Variants in SLC37A3 observed in about 807,000 individuals in gnomAD.
The protein encoded by SLC37A3 is solute carrier family 37 member 3, also known as sugar phosphate exchanger 3.
A neutral mutation model predicts 67.1 loss-of-function variants in SLC37A3; 51 were observed. The observed-to-expected ratio is 0.76, with a 90% CI of 0.61 to 0.96. SLC37A3 has a LOEUF of 0.96. SLC37A3 is among the 40% of genes least tolerant of loss of function. SLC37A3 has a pLI of 0.00. For synonymous variants in SLC37A3, 214 were observed against 231.4 expected (o/e 0.92, Z 0.68); for missense variants, 508 against 603.0 (o/e 0.84, Z 1.65).
At chr7:140,379,549 A>G (rs1798166235) in intron 3 of SLC37A3, 1 of 152,074 alleles carries the variant, frequency 6.6e-6, no homozygotes, top group African/African-American at 2.4e-5. Context: ...GACAGTGTAC[A>G]AGAGTTTAGT....
At chr7:140,353,892 A>G (rs1563019329) in intron 7 of SLC37A3, among the ~76,000 whole-genome samples, 3 of 152,072 alleles carry the variant, frequency 2.0e-5, no homozygotes, top group Admixed American at 2.0e-4. Flanking sequence ...TTGTATTTTT[A>G]GTAGAGACAG....
chr7:140,348,489 G>GTTTT, intron 10 of SLC37A3, 137 bp downstream of exon 10: 1 of 655,342 alleles, frequency 1.5e-6, no homozygotes. Flanking sequence ...GAGTTTGGCT[G>GTTTT]TTTACTAGTA....
chr7:140,381,975 C>A (rs1383398263), intron 2 of SLC37A3, among the ~76,000 whole-genome samples: 1 of 137,882 alleles, frequency 7.3e-6, no homozygotes, highest in Non-Finnish European at 1.5e-5. Flanking sequence ...GGTCATGCCA[C>A]TGCACTCCAG....
intron 1 of SLC37A3, among the ~76,000 whole-genome samples, chr7:140,398,102 C>A (rs1320205805): frequency 6.6e-6 from 1 of 152,226 alleles, no homozygotes; most frequent in Non-Finnish European, 1.5e-5. Flanking sequence ...ATCTCCCAGA[C>A]CCACGGCCGG....
chr7:140,372,897 C>G lies in SLC37A3; in HGVS notation c.199-3215G>C, dbSNP rs74485855. Among the ~76,000 whole-genome samples the G allele has an allele frequency of 7.4e-3, 1,118 of 152,032 alleles. 9 individuals carry two copies. Among genetic ancestry groups the G allele is most frequent in the African/African-American group, 0.024 (992 of 41,496 alleles). The stretch of plus-strand genomic sequence containing the variant: ...AAAGCCAGTGTCACGTAAGACTGTC[C>G]TTCATGAAGCAGTAAAAATTTTTAA... On this transcript the variant is annotated intron_variant, in intron 3 of 14. Transcript: ENST00000326232.
intron 13 of SLC37A3, among the ~76,000 whole-genome samples, chr7:140,342,376 T>C (rs1388992568): frequency 1.3e-5 from 2 of 152,208 alleles, no homozygotes; most frequent in Non-Finnish European, 2.9e-5. Flanking sequence ...CTGACCTCTC[T>C]ACATCCATGA....
intron 3 of SLC37A3, among the ~76,000 whole-genome samples, chr7:140,375,776 T>C (rs1281398283): frequency 6.6e-6 from 1 of 152,226 alleles, no homozygotes; most frequent in Non-Finnish European, 1.5e-5. Flanking sequence ...GGCACCAATC[T>C]GGTTACTTTA....
At chr7:140,390,648 G>A (rs932435168) in intron 1 of SLC37A3, among the ~76,000 whole-genome samples, 2 of 151,956 alleles carry the variant, frequency 1.3e-5, no homozygotes, top group East Asian at 1.9e-4. Context: ...CATCCCCACC[G>A]CCAGGTGGAT....
intron 3 of SLC37A3, among the ~76,000 whole-genome samples, chr7:140,372,577 T>C (rs1359277979): frequency 1.3e-5 from 2 of 152,050 alleles, no homozygotes; most frequent in African/African-American, 4.8e-5. Flanking sequence ...AAAAAGCCAA[T>C]GTCGGCTGGG....
At chr7:140,362,079 G>T (rs562225332) in intron 5 of SLC37A3, among the ~76,000 whole-genome samples, 2 of 117,922 alleles carry the variant, frequency 1.7e-5, no homozygotes, top group Non-Finnish European at 3.7e-5. Flanking sequence ...GTCTCTGCCC[G>T]GCCACCATCC....
rs369019500 is a variant in SLC37A3, at chr7:140,364,398, T to C, written c.375+10A>G. 5 of 1,611,286 alleles carry C rather than the reference T, an allele frequency of 3.1e-6. No individual in the cohort carries two copies. In the African/African-American group the frequency reaches 6.7e-5, roughly 22 times the overall value. On this transcript the variant is annotated intron_variant, in intron 5 of 14. Transcript: ENST00000326232. Reference sequence around the variant, plus strand: ...GACCAAAATAATAATAATAAGACCTTTCAACTTACCACTAATGCAGAAGAG... The same window carrying C: ...GACCAAAATAATAATAATAAGACCTCTCAACTTACCACTAATGCAGAAGAG...
chr7:140,388,010 T>C (rs73474981), intron 1 of SLC37A3, among the ~76,000 whole-genome samples: 1 of 140,418 alleles, frequency 7.1e-6, no homozygotes, highest in Admixed American at 8.0e-5. Flanking sequence ...GCAAAACCTA[T>C]AGTCACCATA....
chr7:140,381,745 A>C (rs1174672538), intron 2 of SLC37A3, among the ~76,000 whole-genome samples: 1 of 151,836 alleles, frequency 6.6e-6, no homozygotes, highest in Non-Finnish European at 1.5e-5. Flanking sequence ...TTCTCTCTCC[A>C]AACAGGGTGA....
intron 5 of SLC37A3, among the ~76,000 whole-genome samples, chr7:140,362,323 C>T (rs1266459044): frequency 7.0e-6 from 1 of 142,374 alleles, no homozygotes; most frequent in Non-Finnish European, 1.6e-5. Context: ...GCAACCGCCC[C>T]GTCTGAGAAG....
intron 5 of SLC37A3, among the ~76,000 whole-genome samples, chr7:140,362,004 GC>G: frequency 7.7e-6 from 1 of 129,400 alleles, no homozygotes; most frequent in East Asian, 2.4e-4. Context: ...TCTCTGCCTG[GC>G]CCCCCATCGT....
chr7:140,356,826 T>C (rs1410467174), intron 6 of SLC37A3, among the ~76,000 whole-genome samples: 2 of 151,934 alleles, frequency 1.3e-5, no homozygotes, highest in East Asian at 1.9e-4. Context: ...ACGCCAAGTG[T>C]TGGGAAGGGC....
chr7:140,340,684 T>C (rs1796326570), intron 13 of SLC37A3, among the ~76,000 whole-genome samples: 1 of 151,492 alleles, frequency 6.6e-6, no homozygotes, highest in Admixed American at 6.6e-5. Context: ...ATCCTAGCAC[T>C]TTGGGAGGCT....
intron 1 of SLC37A3, among the ~76,000 whole-genome samples, chr7:140,395,553 C>A (rs1305472125): frequency 6.9e-6 from 1 of 145,848 alleles, no homozygotes; most frequent in African/African-American, 2.5e-5. Context: ...ACTAAAAACA[C>A]AAAAATTGGC....
At chr7:140,356,954 TA>T (rs1797054366) in intron 6 of SLC37A3, among the ~76,000 whole-genome samples, 1 of 152,250 alleles carries the variant, frequency 6.6e-6, no homozygotes, top group African/African-American at 2.4e-5. Context: ...TAGCTACGCC[TA>T]TAGTCCCAGC....
Sources: gnomAD v4.1 joint callset for allele counts (sites outside exome capture counted in the v4.1 genomes callset) on GRCh38, gnomAD v4.1.1 for gene constraint, MANE v1.5 for transcripts, NCBI Gene and HGNC (gene_info 2026-07-23, HGNC 2026-07-21) for gene names.